The following TCF4 variants were observed in gnomAD, a reference collection of about 807,000 sequenced individuals.
TCF4 encodes SL3-3 enhancer factor 2.
TCF4 carries 3 observed loss-of-function variants against 82.1 expected under a neutral mutation model. That is an observed-to-expected ratio of 0.04 (90% CI 0.02 to 0.09). The LOEUF (loss-of-function observed/expected upper bound fraction) is 0.09. Among genes scored for constraint, TCF4 ranks in the 10% least tolerant of loss-of-function variants. TCF4 has a pLI of 1.00. For missense variants in TCF4, 518 were observed against 852.7 expected, an observed-to-expected ratio of 0.61 and a Z score of 4.89; for synonymous variants, 276 against 309.6, an observed-to-expected ratio of 0.89 and a Z score of 1.14.
chr18:55,243,761 C>T (rs375836871), intron 15 of TCF4, among the ~76,000 whole-genome samples: 32 of 152,164 alleles, frequency 2.1e-4, no homozygotes, highest in African/African-American at 7.2e-4. Flanking sequence ...GGGTAGAGGG[C>T]AGAGTGTCCC....
At chr18:55,554,024 T>G (rs2097282484) in intron 3 of TCF4, among the ~76,000 whole-genome samples, 1 of 152,186 alleles carries the variant, frequency 6.6e-6, no homozygotes, top group African/African-American at 2.4e-5. Flanking sequence ...TAGATGGTAG[T>G]GATAAAATTA....
intron 5 of TCF4, among the ~76,000 whole-genome samples, chr18:55,423,086 G>A (rs1220348370): frequency 6.6e-6 from 1 of 151,620 alleles, no homozygotes; most frequent in Non-Finnish European, 1.5e-5. Context: ...AAGTTGAAAA[G>A]GGCTAGGTTA....
At chr18:55,535,016 G>C (rs1452670905) in intron 3 of TCF4, among the ~76,000 whole-genome samples, 1 of 152,188 alleles carries the variant, frequency 6.6e-6, no homozygotes, top group Admixed American at 6.5e-5. Flanking sequence ...TTTACACTGA[G>C]AAAACTGAGG....
chr18:55,298,796 C>G (rs968953534), intron 8 of TCF4, among the ~76,000 whole-genome samples: 2 of 152,058 alleles, frequency 1.3e-5, no homozygotes, highest in Admixed American at 6.6e-5. Flanking sequence ...ATAAAATTGT[C>G]ATCAAGACTG....
At chr18:55,302,172 G>A (rs147809177) in intron 8 of TCF4, among the ~76,000 whole-genome samples, 159 of 152,316 alleles carry the variant, frequency 1.0e-3, no homozygotes, top group African/African-American at 3.7e-3. Flanking sequence ...CGGCCACGAG[G>A]CAATCCAGGA....
chr18:55,239,243 T>G (rs1038314932), intron 15 of TCF4, among the ~76,000 whole-genome samples: 3 of 152,234 alleles, frequency 2.0e-5, no homozygotes, highest in African/African-American at 7.2e-5. Context: ...ATAGAAACAC[T>G]TTTAAATCAC....
intron 3 of TCF4, among the ~76,000 whole-genome samples, chr18:55,575,295 G>A (rs141436670): frequency 6.6e-6 from 1 of 152,222 alleles, no homozygotes; most frequent in African/African-American, 2.4e-5. Context: ...ATGTCCAAGA[G>A]GGCACATAAC....
At chr18:55,493,391 T>C (rs768315788) in intron 3 of TCF4, among the ~76,000 whole-genome samples, 2 of 152,174 alleles carry the variant, frequency 1.3e-5, no homozygotes, top group Non-Finnish European at 2.9e-5. Context: ...TGTTTTACAA[T>C]ATTTAATGCA....
chr18:55,483,756 T>C (rs78800844), intron 3 of TCF4, among the ~76,000 whole-genome samples: 7 of 152,324 alleles, frequency 4.6e-5, no homozygotes, highest in Admixed American at 1.3e-4. Flanking sequence ...AGATACAAAT[T>C]GGGTTAGGCA....
intron 8 of TCF4, among the ~76,000 whole-genome samples, chr18:55,286,601 T>C (rs2063745916): frequency 6.6e-6 from 1 of 152,294 alleles, no homozygotes; most frequent in East Asian, 1.9e-4. Context: ...ATGGAAGAAG[T>C]AGAGTTGTGT....
At chr18:55,579,562 A>C (rs1415562714) in intron 3 of TCF4, among the ~76,000 whole-genome samples, 8 of 152,032 alleles carry the variant, frequency 5.3e-5, no homozygotes, top group Admixed American at 2.0e-4. Flanking sequence ...TATAGATTCT[A>C]AAGGTTTGGC....
intron 6 of TCF4, among the ~76,000 whole-genome samples, chr18:55,358,430 G>A (rs142732344): frequency 3.3e-5 from 5 of 152,350 alleles, no homozygotes; most frequent in African/African-American, 1.2e-4. Flanking sequence ...TATAGCAGGA[G>A]CAGCAGCAGC....
At position 55,254,543 on chromosome 18, in the gene TCF4, G is replaced by A. The variant is rs1555763998; in HGVS notation, c.1304C>T (p.Ser435Leu). Residue 435 changes from serine to leucine, a missense_variant, in exon 15 of 20, where the codon TCA (serine) becomes TTA (leucine). Transcript: ENST00000354452. ...TGAAAGAAGGCCGGTTCCATACCCT[G>A]AGCCCAGACCACCCATGGCTCCATT... ...SHNGAMGGLGSGYGTGLLSAN... is the reference protein window; with the variant it reads ...SHNGAMGGLGLGYGTGLLSAN... 1 of 1,613,752 alleles carries A rather than the reference G, an allele frequency of 6.2e-7. No individual in the cohort carries two copies. Among genetic ancestry groups the A allele is most frequent in the Non-Finnish European group, 8.5e-7 (1 of 1,179,852 alleles).
At chr18:55,260,051 A>G in intron 12 of TCF4, 24 bp from the exon 13 acceptor site, 5 of 1,532,316 alleles carry the variant, frequency 3.3e-6, no homozygotes, top group Non-Finnish European at 4.5e-6. Flanking sequence ...GGAGAAAAAA[A>G]AAACACCCTC....
intron 2 of TCF4, among the ~76,000 whole-genome samples, chr18:55,597,324 A>C (rs540579134): frequency 6.6e-6 from 1 of 152,294 alleles, no homozygotes; most frequent in African/African-American, 2.4e-5. Flanking sequence ...AAAGAAAGCT[A>C]ATCATCTTTG....
chr18:55,446,464 G>A (rs2095526950), intron 5 of TCF4, among the ~76,000 whole-genome samples: 2 of 152,158 alleles, frequency 1.3e-5, no homozygotes, highest in Non-Finnish European at 2.9e-5. Flanking sequence ...CAATGCAGTG[G>A]TGGGTAAGGA....
intron 6 of TCF4, among the ~76,000 whole-genome samples, chr18:55,366,763 TTTTAC>T (rs1232571945): frequency 6.6e-6 from 1 of 152,168 alleles, no homozygotes; most frequent in Non-Finnish European, 1.5e-5. Flanking sequence ...CAGTGTAGCA[TTTTAC>T]TTTATTGTTT....
At chr18:55,362,373 G>A (rs1660234) in intron 6 of TCF4, among the ~76,000 whole-genome samples, 2,144 of 92,060 alleles carry the variant, frequency 0.023, 30 homozygotes, top group South Asian at 0.11. Flanking sequence ...AAGGAAGGAA[G>A]GAAGGAAGGA....
At chr18:55,287,054 A>C (rs538902862) in intron 8 of TCF4, among the ~76,000 whole-genome samples, 2 of 152,300 alleles carry the variant, frequency 1.3e-5, no homozygotes, top group Middle Eastern at 6.8e-3. Flanking sequence ...TTTACTCCTC[A>C]AATTCTCTTT....
Sources: gnomAD v4.1 joint callset for allele counts (sites outside exome capture counted in the v4.1 genomes callset) on GRCh38, gnomAD v4.1.1 for gene constraint, MANE v1.5 for transcripts, NCBI Gene and HGNC (gene_info 2026-07-23, HGNC 2026-07-21) for gene names.